The following RREB1 variants were observed in gnomAD, a reference collection of about 807,000 sequenced individuals.
RREB1 encodes ras-responsive element-binding protein 1.
RREB1 carries 27 observed loss-of-function variants against 117.8 expected under a neutral mutation model. The observed-to-expected ratio is 0.23, with a 90% CI of 0.17 to 0.32. The LOEUF is 0.32. RREB1 is among the 10% of genes least tolerant of loss of function. The pLI is 1.00. For missense variants in RREB1, 2,577 were observed against 2,378.2 expected (o/e 1.08, Z -1.74); for synonymous variants, 1,298 against 1,026.7 (o/e 1.26, Z -5.05).
At chr6:7,115,311 C>G (rs1011957099) in intron 1 of RREB1, among the ~76,000 whole-genome samples, 2 of 152,018 alleles carry the variant, frequency 1.3e-5, no homozygotes, top group Admixed American at 1.3e-4. Context: ...CAGGAGTGAT[C>G]TTTTAGCCAG....
chr6:7,216,513 C>CA (rs1453794973), intron 8 of RREB1: 1 of 152,202 alleles, frequency 6.6e-6, no homozygotes, highest in African/African-American at 2.4e-5. Context: ...CAGCTGAGAC[C>CA]ACCCCCTTCC....
rs9405999 is a variant in RREB1 at position 7,153,663 on chromosome 6, T to C, written c.-284-22992T>C. Reference sequence around the variant, plus strand: ...ATTCTGGCTGATTTTATAAAATATCTCAGATCTGTTTGATAGGTTGGGCTT... The same window carrying C: ...ATTCTGGCTGATTTTATAAAATATCCCAGATCTGTTTGATAGGTTGGGCTT... On this transcript the variant is annotated intron_variant, in intron 1 of 12. Transcript: ENST00000379938. Among the ~76,000 whole-genome samples the C allele has an allele frequency of 3.1e-3, 474 of 152,260 alleles. 11 individuals carry two copies. The East Asian group carries it at 0.033, about 10-fold the overall frequency.
At chr6:7,183,299 T>G (rs185816376) in intron 4 of RREB1, 2 of 151,978 alleles carry the variant, frequency 1.3e-5, no homozygotes, top group African/African-American at 4.8e-5. Context: ...CGAGAAGGAG[T>G]GCTAGCTCTG....
At chr6:7,186,767 C>G (rs1001609601) in intron 4 of RREB1, among the ~76,000 whole-genome samples, 1 of 152,188 alleles carries the variant, frequency 6.6e-6, no homozygotes, top group African/African-American at 2.4e-5. Context: ...TGAGCTGGTT[C>G]TTTTGTCACC....
At chr6:7,112,664 T>G (rs1470577854) in intron 1 of RREB1, among the ~76,000 whole-genome samples, 2 of 152,190 alleles carry the variant, frequency 1.3e-5, no homozygotes, top group Non-Finnish European at 2.9e-5. Context: ...ATGCATCACT[T>G]ATTTTTCATT....
At chr6:7,129,325 G>GT (rs1312418762) in intron 1 of RREB1, among the ~76,000 whole-genome samples, 2 of 152,238 alleles carry the variant, frequency 1.3e-5, no homozygotes, top group Non-Finnish European at 2.9e-5. Flanking sequence ...GTGGGGCAAG[G>GT]TGGAAGGTGG....
chr6:7,184,004 C>T (rs1013049072), intron 4 of RREB1: 15 of 152,162 alleles, frequency 9.9e-5, no homozygotes, highest in African/African-American at 3.6e-4. Flanking sequence ...TATCTTTCAG[C>T]TCAGGAGGTG....
intron 8 of RREB1, among the ~76,000 whole-genome samples, chr6:7,220,837 G>T (rs1337827802): frequency 6.6e-6 from 1 of 152,232 alleles, no homozygotes; most frequent in Non-Finnish European, 1.5e-5. Context: ...GTTGAGGAGA[G>T]AGTCGTGGGG....
intron 1 of RREB1, among the ~76,000 whole-genome samples, chr6:7,139,839 G>GA (rs933650214): frequency 6.6e-6 from 1 of 152,072 alleles, no homozygotes; most frequent in African/African-American, 2.4e-5. Context: ...ATTCAGACTA[G>GA]AAAAAAAATT....
intron 1 of RREB1, among the ~76,000 whole-genome samples, chr6:7,166,804 C>T (rs990888888): frequency 1.3e-5 from 2 of 152,178 alleles, no homozygotes; most frequent in Admixed American, 6.5e-5. Flanking sequence ...GCTTGCAGCT[C>T]GTCCCTGGGG....
In RREB1 at chr6:7,230,493, G is replaced by T. The variant is rs756923290; in HGVS notation, c.2394G>T (p.Ala798=). The T allele has an allele frequency of 6.3e-7, 1 of 1,593,784 alleles. No homozygotes were observed. The highest frequency in any genetic ancestry group is 1.7e-5 in the Admixed American group (1 of 59,042). The change falls in exon 10 of 13, where the codon GCG becomes GCT. Residue 798 remains alanine (A), a synonymous_variant. Transcript: ENST00000379938. ...KPFECKECSA[A]FAAKRNCIHH... is the part of the protein sequence containing the mutation. ...TCGAGTGCAAGGAGTGCAGCGCCGC[G>T]TTCGCGGCCAAGCGCAACTGCATCC...
chr6:7,126,305 TC>T (rs201155161), intron 1 of RREB1, among the ~76,000 whole-genome samples: 2 of 148,036 alleles, frequency 1.4e-5, no homozygotes, highest in Non-Finnish European at 3.0e-5. Flanking sequence ...CGGCCTCGAT[TC>T]CCCCCCGACC....
At chr6:7,123,647 G>A (rs1281188396) in intron 1 of RREB1, among the ~76,000 whole-genome samples, 2 of 123,478 alleles carry the variant, frequency 1.6e-5, no homozygotes, top group African/African-American at 6.2e-5. Flanking sequence ...GTCTTGCTCT[G>A]TCGCCCAGGC....
At chr6:7,112,089 C>T (rs569304558) in intron 1 of RREB1, among the ~76,000 whole-genome samples, 1 of 152,254 alleles carries the variant, frequency 6.6e-6, no homozygotes, top group South Asian at 2.1e-4. Context: ...TTCATTCCAC[C>T]TCCCTAGTGC....
In RREB1 at chr6:7,246,695, C is replaced by G; in HGVS notation, c.4245C>G (p.Ser1415Arg). 1 of 1,583,976 alleles carries G rather than the reference C, an allele frequency of 6.3e-7. No homozygotes were observed. The highest frequency in any genetic ancestry group is 1.2e-5 in the South Asian group (1 of 86,762). Reference sequence around the variant, plus strand: ...AAGAGGACGCGTCGAGCAACCAGAGCCTGGACCTGGACTTCGCCACCAAGC... The same window carrying G: ...AAGAGGACGCGTCGAGCAACCAGAGGCTGGACCTGGACTTCGCCACCAAGC... The part of the protein sequence containing the change: ...GAEEDASSNQ[S>R]LDLDFATKLM... Residue 1415 changes from serine to arginine, a missense_variant, in exon 12 of 13, where the codon AGC becomes AGG. Transcript: ENST00000379938.
intron 1 of RREB1, among the ~76,000 whole-genome samples, chr6:7,142,991 G>C (rs1762686542): frequency 1.3e-5 from 2 of 152,182 alleles, no homozygotes; most frequent in Admixed American, 1.3e-4. Flanking sequence ...CCCTAATAAA[G>C]CTTTCAAAAC....
chr6:7,175,375 G>T (rs546344986), intron 1 of RREB1, among the ~76,000 whole-genome samples: 2 of 152,014 alleles, frequency 1.3e-5, no homozygotes, highest in African/African-American at 4.8e-5. Flanking sequence ...GGTGGGATGG[G>T]GGGGGTATAA....
At chr6:7,203,991 G>A (rs1766132092) in intron 6 of RREB1, among the ~76,000 whole-genome samples, 1 of 152,200 alleles carries the variant, frequency 6.6e-6, no homozygotes, top group South Asian at 2.1e-4. Flanking sequence ...AGTGTCCGGT[G>A]CATTTCACCA....
chr6:7,196,113 G>A lies in RREB1; in HGVS notation c.425+6791G>A, dbSNP rs113198594. ...ACGCACACGTGGGATGCACACCTCC[G>A]TGTGTGTGCACACTCTTCCAGATGA... On this transcript the variant is annotated intron_variant, in intron 6 of 12. Coordinates refer to ENST00000379938, the MANE Select transcript of RREB1 (RefSeq NM_001003699.4). Among the ~76,000 whole-genome samples the A allele has an allele frequency of 1.8e-4, 27 of 151,682 alleles. 1 individual carries two copies. Among genetic ancestry groups the A allele is most frequent in the African/African-American group, 5.8e-4 (24 of 41,350 alleles).
Sources: allele counts gnomAD v4.1 joint callset (sites outside exome capture counted in the v4.1 genomes callset), GRCh38; gene constraint gnomAD v4.1.1; transcripts MANE v1.5; gene names NCBI Gene and HGNC (gene_info 2026-07-23, HGNC 2026-07-21).